Variants in CNTN5 observed in about 807,000 individuals in gnomAD.
CNTN5 encodes the protein contactin-5.
A neutral mutation model predicts 129.1 loss-of-function variants in CNTN5; 77 were observed. The ratio of observed to expected loss-of-function variants is 0.60; its 90% CI spans 0.50 to 0.72. The LOEUF (loss-of-function observed/expected upper bound fraction) is 0.72, where lower values mean the gene tolerates loss of function less well. CNTN5 is among the 30% of genes least tolerant of loss of function. CNTN5 has a pLI of 0.00. For missense variants in CNTN5, 1,478 were observed against 1,328.8 expected (o/e 1.11, Z -1.75); for synonymous variants, 509 against 465.6 (o/e 1.09, Z -1.20).
At chr11:99,068,073 C>T (rs1236351245) in intron 1 of CNTN5, among the ~76,000 whole-genome samples, 1 of 152,118 alleles carries the variant, frequency 6.6e-6, no homozygotes, top group Non-Finnish European at 1.5e-5. Flanking sequence ...CACCTTCTGC[C>T]ATGATTTTAA....
chr11:99,304,941 C>CA (rs1197311538), intron 1 of CNTN5, among the ~76,000 whole-genome samples: 7 of 152,144 alleles, frequency 4.6e-5, no homozygotes, highest in Non-Finnish European at 4.4e-5. Context: ...TCATGCTCAG[C>CA]AAAGGTTACT....
intron 9 of CNTN5, among the ~76,000 whole-genome samples, chr11:100,019,990 T>G (rs568727338): frequency 1.3e-5 from 2 of 152,128 alleles, no homozygotes; most frequent in East Asian, 3.9e-4. Flanking sequence ...CTCATGAAGT[T>G]ATTTGTTTTA....
chr11:99,747,511 G>A (rs1005885552), intron 3 of CNTN5, among the ~76,000 whole-genome samples: 2 of 136,834 alleles, frequency 1.5e-5, no homozygotes, highest in African/African-American at 5.4e-5. Context: ...TGTAGCCCAG[G>A]CTGGAGTGCA....
At chr11:99,612,513 C>G (rs2220834) in intron 3 of CNTN5, among the ~76,000 whole-genome samples, 8 of 152,002 alleles carry the variant, frequency 5.3e-5, no homozygotes, top group Non-Finnish European at 1.0e-4. Flanking sequence ...TATTGAACAT[C>G]TATTATAGTA....
chr11:99,874,846 A>G (rs1038524910), intron 6 of CNTN5, among the ~76,000 whole-genome samples: 1 of 152,018 alleles, frequency 6.6e-6, no homozygotes, highest in Non-Finnish European at 1.5e-5. Flanking sequence ...TGGAAGCTCA[A>G]TTTTTTTCCT....
intron 6 of CNTN5, among the ~76,000 whole-genome samples, chr11:99,845,639 T>C (rs937033913): frequency 3.5e-4 from 53 of 152,096 alleles, no homozygotes; most frequent in Non-Finnish European, 8.8e-5. Flanking sequence ...CCCAAAGTGC[T>C]GGGATTACAG....
At chr11:100,337,224 A>C in intron 21 of CNTN5, 1 of 1,542,472 alleles carries the variant, frequency 6.5e-7, no homozygotes, top group Non-Finnish European at 8.9e-7. Context: ...CTCCAGAAAC[A>C]TATGTGAAAG....
chr11:99,193,178 A>G (rs2135597063), intron 1 of CNTN5, among the ~76,000 whole-genome samples: 2 of 152,180 alleles, frequency 1.3e-5, no homozygotes, highest in Non-Finnish European at 2.9e-5. Flanking sequence ...TCTTATCACT[A>G]TGACAGGGGA....
At chr11:99,291,014 C>G (rs1039542638) in intron 1 of CNTN5, among the ~76,000 whole-genome samples, 1 of 151,838 alleles carries the variant, frequency 6.6e-6, no homozygotes, top group Admixed American at 6.6e-5. Context: ...CAGGTATGTG[C>G]TGCTAAACAC....
At chr11:99,899,805 T>A (rs1177521357) in intron 6 of CNTN5, among the ~76,000 whole-genome samples, 1 of 152,118 alleles carries the variant, frequency 6.6e-6, no homozygotes, top group Admixed American at 6.6e-5. Flanking sequence ...GTAAGGTTGG[T>A]ACCGGCTTTT....
chr11:99,382,360 C>G (rs554598589), intron 2 of CNTN5, among the ~76,000 whole-genome samples: 1 of 152,206 alleles, frequency 6.6e-6, no homozygotes, highest in African/African-American at 2.4e-5. Context: ...TAGACCCAAA[C>G]TCATGGGGAA....
intron 13 of CNTN5, among the ~76,000 whole-genome samples, chr11:100,081,990 T>C (rs6590586): frequency 0.53 from 80,850 of 151,924 alleles, 22,718 homozygotes; most frequent in African/African-American, 0.73. Flanking sequence ...GACATAGGAG[T>C]ACAAGAGAGT....
chr11:99,907,162 AG>A (rs1230466903), intron 6 of CNTN5, among the ~76,000 whole-genome samples: 1 of 151,970 alleles, frequency 6.6e-6, no homozygotes, highest in Non-Finnish European at 1.5e-5. Flanking sequence ...GTCTTCTGCT[AG>A]CTTTTGAATT....
At chr11:99,401,770 T>C (rs1941822431) in intron 2 of CNTN5, among the ~76,000 whole-genome samples, 1 of 151,938 alleles carries the variant, frequency 6.6e-6, no homozygotes, top group Non-Finnish European at 1.5e-5. Context: ...CAGTGTTTTA[T>C]AGTTTTCATT....
At chr11:99,286,040 G>GGAAA (rs1555101325) in intron 1 of CNTN5, among the ~76,000 whole-genome samples, 1 of 93,022 alleles carries the variant, frequency 1.1e-5, no homozygotes. Flanking sequence ...TCCATCTGGA[G>GGAAA]AAAAAAAAAA....
At chr11:99,143,962 A>C (rs764267959) in intron 1 of CNTN5, among the ~76,000 whole-genome samples, 6 of 152,216 alleles carry the variant, frequency 3.9e-5, no homozygotes, top group Non-Finnish European at 8.8e-5. Flanking sequence ...CTTAGAGATG[A>C]CATTATAGTG....
chr11:99,480,778 A>G (rs1329332116), intron 2 of CNTN5, among the ~76,000 whole-genome samples: 2 of 152,068 alleles, frequency 1.3e-5, no homozygotes, highest in African/African-American at 4.8e-5. Context: ...TTAGGACCTG[A>G]TATGTTACAG....
chr11:99,713,795 C>T (rs534221595), intron 3 of CNTN5, among the ~76,000 whole-genome samples: 162 of 151,874 alleles, frequency 1.1e-3, no homozygotes, highest in Non-Finnish European at 2.0e-3. Flanking sequence ...TTTTTCCCTT[C>T]ATTTAAAGAA....
intron 2 of CNTN5, among the ~76,000 whole-genome samples, chr11:99,528,123 A>G (rs1003469477): frequency 6.6e-6 from 1 of 152,208 alleles, no homozygotes; most frequent in Non-Finnish European, 1.5e-5. Context: ...CAGGAGAACT[A>G]TCCTAACCTT....
Sources: gnomAD v4.1 joint callset for allele counts (sites outside exome capture counted in the v4.1 genomes callset) on GRCh38, gnomAD v4.1.1 for gene constraint, MANE v1.5 for transcripts, NCBI Gene and HGNC (gene_info 2026-07-23, HGNC 2026-07-21) for gene names.